MTA3: variants seen among roughly 807,000 people sequenced by gnomAD.
The protein encoded by MTA3 is metastasis-associated protein MTA3.
In MTA3, 34 loss-of-function variants were observed where a neutral mutation model predicts 83.5. The observed-to-expected ratio is 0.41, with a 90% CI of 0.31 to 0.54. The LOEUF is 0.54. Ranked by LOEUF, MTA3 falls within the 20% of genes least tolerant of loss-of-function variation. The pLI is 0.33. For synonymous variants in MTA3, 303 were observed against 252.7 expected (o/e 1.20, Z -1.89); for missense variants, 761 against 726.4 (o/e 1.05, Z -0.55).
rs1365292516 is a variant in MTA3 at position 42,708,985 on chromosome 2, A to C, written c.1414A>C (p.Thr472Pro). ...VKTRQAFFLH[T>P]TYFTKFARQV... ...GACCCGCCAAGCTTTCTTCCTTCAT[A>C]CTACATATTTCACAAAATTTGCTCG... Residue 472 changes from threonine (T) to proline (P), a missense_variant, in exon 14 of 17, where the codon ACT becomes CCT. Physicochemically the swap from Thr to Pro is conservative, Grantham distance 38. Transcript: ENST00000405094. 1.2e-6 allele frequency: 2 copies of C among 1,614,014 alleles called. No individual in the cohort carries two copies. The highest frequency in any genetic ancestry group is 3.3e-4 in the Middle Eastern group (2 of 6,062).
At chr2:42,519,234 C>T (rs1675298907) in intron 2 of MTA3, among the ~76,000 whole-genome samples, 1 of 152,110 alleles carries the variant, frequency 6.6e-6, no homozygotes, top group African/African-American at 2.4e-5. Context: ...ATGAGAAAAA[C>T]ATCAGACAAA....
chr2:42,517,734 C>CGAGCG (rs1675214408), intron 2 of MTA3, among the ~76,000 whole-genome samples: 1 of 149,456 alleles, frequency 6.7e-6, no homozygotes, highest in Non-Finnish European at 1.5e-5. Context: ...ACAAATTAGC[C>CGAGCG]AGGTGTGGTG....
chr2:42,700,881 G>GGATCA, intron 11 of MTA3, among the ~76,000 whole-genome samples: 2 of 152,306 alleles, frequency 1.3e-5, no homozygotes, highest in South Asian at 2.1e-4. Context: ...CAGGAAGACT[G>GGATCA]CTTGAAGCCA....
At chr2:42,633,663 G>A (rs1326522930) in intron 4 of MTA3, among the ~76,000 whole-genome samples, 5 of 151,948 alleles carry the variant, frequency 3.3e-5, no homozygotes, top group African/African-American at 1.2e-4. Context: ...AGGCCGAGGC[G>A]GGCGGATCAC....
rs186802313 is a variant in MTA3, at chr2:42,714,227, A to G, written c.1526-4761A>G. 2.2e-3 allele frequency among the ~76,000 whole-genome samples: 338 copies of G among 152,222 alleles called. 2 individuals carry two copies. Among genetic ancestry groups the G allele is most frequent in the Middle Eastern group, 0.014 (4 of 294 alleles). On this transcript the variant is annotated intron_variant, in intron 14 of 16. Coordinates refer to ENST00000405094, the MANE Select transcript of MTA3 (RefSeq NM_001330442.2). ...TGTTTTTGCCCGTGGCCTGTTTTCT[A>G]TTGGCAGTCTTACTGACTTGTGGGA... is the stretch of plus-strand genomic sequence containing the variant.
chr2:42,735,099 TTTTC>T (rs1668515427), intron 16 of MTA3, among the ~76,000 whole-genome samples: 1 of 152,214 alleles, frequency 6.6e-6, no homozygotes, highest in Non-Finnish European at 1.5e-5. Flanking sequence ...ATTAATGTCT[TTTTC>T]TTTCAGATTG....
chr2:42,695,432 C>A (rs527766742), intron 9 of MTA3, among the ~76,000 whole-genome samples: 1 of 151,504 alleles, frequency 6.6e-6, no homozygotes, highest in East Asian at 1.9e-4. Context: ...GTTAGGAGTT[C>A]GAGACCAGCC....
intron 16 of MTA3, among the ~76,000 whole-genome samples, chr2:42,724,916 T>C (rs553651664): frequency 6.6e-6 from 1 of 152,346 alleles, no homozygotes; most frequent in African/African-American, 2.4e-5. Context: ...ACAGAAGGAA[T>C]GGACGGGGCA....
chr2:42,646,225 T>C (rs969449533), intron 6 of MTA3, among the ~76,000 whole-genome samples: 1 of 152,222 alleles, frequency 6.6e-6, no homozygotes, highest in African/African-American at 2.4e-5. Flanking sequence ...TCATTGATAA[T>C]GCTCCCCTTC....
rs1474828630 is a variant in MTA3 at position 42,741,737 on chromosome 2, A to G, written c.1760-11637A>G. ...CACACATTTATCTATTAAGTTTCCC[A>G]TCTTATATGGGCATGGCTTGTGGCC... On this transcript the variant is annotated intron_variant, in intron 16 of 16. Coordinates refer to ENST00000405094, the MANE Select transcript of MTA3 (RefSeq NM_001330442.2). Among the ~76,000 whole-genome samples the G allele has an allele frequency of 4.6e-5, 7 of 152,048 alleles. No homozygotes were observed. In the South Asian group the frequency reaches 1.2e-3, roughly 27 times the overall value.
chr2:42,557,264 G>T (rs1454465154), intron 2 of MTA3, among the ~76,000 whole-genome samples: 2 of 149,472 alleles, frequency 1.3e-5, no homozygotes, highest in Admixed American at 1.4e-4. Context: ...GGGCAACAGA[G>T]AGAGACTTTG....
intron 16 of MTA3, 158 bp downstream of exon 16, chr2:42,723,193 AT>A: frequency 1.1e-6 from 1 of 907,172 alleles, no homozygotes; most frequent in Non-Finnish European, 1.6e-6. Context: ...CATATGCCAC[AT>A]TTTGCCAAGG....
intron 3 of MTA3, among the ~76,000 whole-genome samples, chr2:42,586,763 G>T (rs1488501225): frequency 6.6e-6 from 1 of 152,132 alleles, no homozygotes; most frequent in Non-Finnish European, 1.5e-5. Context: ...GGTGGCTAAC[G>T]CCTGTAATCC....
At chr2:42,543,831 T>A (rs1676633964) in intron 2 of MTA3, among the ~76,000 whole-genome samples, 1 of 151,762 alleles carries the variant, frequency 6.6e-6, no homozygotes, top group African/African-American at 2.4e-5. Context: ...TATACATACA[T>A]TAAAAAATAT....
chr2:42,536,954 A>C (rs1676274458), intron 2 of MTA3, among the ~76,000 whole-genome samples: 1 of 152,136 alleles, frequency 6.6e-6, no homozygotes, highest in African/African-American at 2.4e-5. Context: ...TGTAAGGAAA[A>C]AAGGTTTTCT....
chr2:42,583,544 T>A (rs1456317336), intron 3 of MTA3, among the ~76,000 whole-genome samples: 5 of 152,208 alleles, frequency 3.3e-5, no homozygotes, highest in South Asian at 4.1e-4. Flanking sequence ...GACTTTTTTT[T>A]ATTTTTTGAG....
chr2:42,726,496 C>G lies in MTA3; in HGVS notation c.1759+3461C>G, dbSNP rs146807825. ...CATTAGGTATACCTCCTAATGCTAT[C>G]CCTCCCCACTCCCCCCAACCCACAA... On this transcript the variant is annotated intron_variant, in intron 16 of 16. Coordinates refer to ENST00000405094, the MANE Select transcript of MTA3 (RefSeq NM_001330442.2). Among the ~76,000 whole-genome samples, 1,410 of 152,140 alleles carry G rather than the reference C, an allele frequency of 9.3e-3. 15 individuals are homozygous for G. The highest frequency in any genetic ancestry group is 0.031 in the African/African-American group (1,284 of 41,482).
chr2:42,595,105 C>CCTT (rs1681624717), intron 3 of MTA3, among the ~76,000 whole-genome samples: 3 of 38,902 alleles, frequency 7.7e-5, no homozygotes, highest in Admixed American at 3.6e-4. Flanking sequence ...ACAGGAGCTT[C>CCTT]ATTTTTTTTT....
At chr2:42,691,215 T>C (rs949534258) in intron 9 of MTA3, among the ~76,000 whole-genome samples, 2 of 152,076 alleles carry the variant, frequency 1.3e-5, no homozygotes, top group Non-Finnish European at 2.9e-5. Context: ...TTTCACCATG[T>C]TGGCCAGGAT....
Sources: gnomAD v4.1 joint callset for allele counts (sites outside exome capture counted in the v4.1 genomes callset) on GRCh38, gnomAD v4.1.1 for gene constraint, MANE v1.5 for transcripts, NCBI Gene and HGNC (gene_info 2026-07-23, HGNC 2026-07-21) for gene names.